Variants in CFH observed in about 807,000 individuals in gnomAD.
CFH encodes complement factor H, also known as H factor 1 (complement).
A neutral mutation model predicts 147.3 loss-of-function variants in CFH; 53 were observed. That is an observed-to-expected ratio of 0.36 (90% CI 0.29 to 0.45). The LOEUF is 0.45. Ranked by LOEUF, CFH falls within the 20% of genes least tolerant of loss-of-function variation. The probability of loss-of-function intolerance (pLI) is 1.00; values close to 1 mark genes in which losing one functional copy is unlikely to be tolerated. For missense variants in CFH, 1,380 were observed against 1,498.0 expected (o/e 0.92, Z 1.30); for synonymous variants, 536 against 489.4 (o/e 1.10, Z -1.26).
intron 1 of CFH, 86 bp downstream of exon 1, chr1:196,652,261 T>A: frequency 1.8e-6 from 2 of 1,087,838 alleles, no homozygotes; most frequent in Non-Finnish European, 2.8e-6. Context: ...AAAAATTTGA[T>A]TTAGAAAATG....
rs34028773 is a variant in CFH at position 196,680,311 on chromosome 1, CA to C, written c.790+535del. Among the ~76,000 whole-genome samples, 828 of 93,632 alleles carry C rather than the reference CA, an allele frequency of 8.8e-3. 2 individuals are homozygous for C. Among genetic ancestry groups the C allele is most frequent in the East Asian group, 0.035 (100 of 2,898 alleles). 61.4% of individuals were successfully genotyped at this position (93,632 alleles called of 152,430 possible). On this transcript the variant is annotated intron_variant, in intron 6 of 21. Coordinates refer to ENST00000367429, the MANE Select transcript of CFH (RefSeq NM_000186.4). ...GGTGATGATGGTCCTGGAAAATTAC[CA>C]AAAAAAAAAAAAAAAACCTCTCAAC...
Position 196,726,915 on chromosome 1 carries a change from A to G in CFH, c.2211A>G (p.Val737=), listed in dbSNP as rs765774. The G allele has an allele frequency of 1.2e-6, 2 of 1,613,682 alleles. No individual in the cohort carries two copies. Among genetic ancestry groups the G allele is most frequent in the African/African-American group, 2.7e-5 (2 of 75,018 alleles). The part of the protein sequence containing the change: ...GHRSITCIHG[V]WTQLPQCVAI... The stretch of plus-strand genomic sequence containing the variant: ...GATCAATTACGTGTATTCATGGAGT[A>G]TGGACCCAACTTCCCCAGTGTGTGG... Residue 737 remains valine, a synonymous_variant, in exon 14 of 22, where the codon GTA becomes GTG. Coordinates refer to ENST00000367429, the MANE Select transcript of CFH (RefSeq NM_000186.4).
At chr1:196,702,896 G>A (rs562979117) in intron 9 of CFH, among the ~76,000 whole-genome samples, 2 of 152,094 alleles carry the variant, frequency 1.3e-5, no homozygotes, top group Non-Finnish European at 2.9e-5. Flanking sequence ...AATGAGGGTT[G>A]CTTTGGAATT....
intron 19 of CFH, among the ~76,000 whole-genome samples, chr1:196,742,951 A>G (rs1422295351): frequency 6.6e-6 from 1 of 152,018 alleles, no homozygotes; most frequent in African/African-American, 2.4e-5. Context: ...AACTTGGGTA[A>G]TTTTCAAAAT....
chr1:196,656,685 C>CTTTT (rs1666701910), intron 1 of CFH, among the ~76,000 whole-genome samples: 1 of 114,546 alleles, frequency 8.7e-6, no homozygotes, highest in African/African-American at 4.8e-5. Context: ...ATGTGTGTTG[C>CTTTT]GTTTTTTTTT....
intron 1 of CFH, among the ~76,000 whole-genome samples, chr1:196,666,669 G>A (rs554213629): frequency 2.6e-5 from 4 of 151,508 alleles, no homozygotes; most frequent in Non-Finnish European, 4.4e-5. Flanking sequence ...AAAAATAGCC[G>A]GGCATGGTGG....
chr1:196,707,810 C>T (rs1331418275), intron 9 of CFH, among the ~76,000 whole-genome samples: 1 of 152,100 alleles, frequency 6.6e-6, no homozygotes, highest in East Asian at 1.9e-4. Context: ...TTGACAACTA[C>T]AATAGTTACT....
At chr1:196,699,354 A>G (rs1330223571) in intron 9 of CFH, among the ~76,000 whole-genome samples, 2 of 152,124 alleles carry the variant, frequency 1.3e-5, no homozygotes, top group African/African-American at 2.4e-5. Context: ...TTTGGTGAAC[A>G]CTGTCTAAAT....
At chr1:196,691,123 G>A (rs932947059) in intron 9 of CFH, among the ~76,000 whole-genome samples, 6 of 151,812 alleles carry the variant, frequency 4.0e-5, no homozygotes, top group Admixed American at 6.6e-5. Flanking sequence ...CTCATTATCT[G>A]CCTAAACAAT....
At position 196,652,105 on chromosome 1, in the gene CFH, A is replaced by G. The variant is rs764140312; in HGVS notation, c.-13A>G. ...GAGTTAGCTGGTAAATGTCCTCTTAAAAGATCCAAAAAATGAGACTTCTAG... is the reference window on the plus strand; with the variant it reads ...GAGTTAGCTGGTAAATGTCCTCTTAGAAGATCCAAAAAATGAGACTTCTAG... On this transcript the variant is annotated 5_prime_UTR_variant, in exon 1 of 22. It removes the in-frame stop codon of an upstream open reading frame in the 5' UTR. Coordinates refer to ENST00000367429, the MANE Select transcript of CFH (RefSeq NM_000186.4). 1.3e-6 allele frequency: 2 copies of G among 1,598,806 alleles called. No homozygotes were observed. Among genetic ancestry groups the G allele is most frequent in the South Asian group, 2.2e-5 (2 of 90,758 alleles).
At chr1:196,666,060 A>T (rs1217295756) in intron 1 of CFH, among the ~76,000 whole-genome samples, 1 of 152,250 alleles carries the variant, frequency 6.6e-6, no homozygotes, top group Non-Finnish European at 1.5e-5. Context: ...GAACAGCTTG[A>T]TGGAGATTTC....
At chr1:196,664,490 G>A (rs1425518479) in intron 1 of CFH, among the ~76,000 whole-genome samples, 2 of 152,114 alleles carry the variant, frequency 1.3e-5, no homozygotes, top group Admixed American at 6.5e-5. Flanking sequence ...ATAATGTCTC[G>A]CTACTCAGCT....
chr1:196,655,667 T>TC (rs1323834499), intron 1 of CFH, among the ~76,000 whole-genome samples: 1 of 152,090 alleles, frequency 6.6e-6, no homozygotes, highest in Admixed American at 6.6e-5. Flanking sequence ...CTTCTCCTCC[T>TC]CCCCACACAC....
chr1:196,670,687 A>G (rs2149075976), intron 1 of CFH, among the ~76,000 whole-genome samples: 1 of 152,216 alleles, frequency 6.6e-6, no homozygotes, highest in East Asian at 1.9e-4. Context: ...AGTCTTGAGT[A>G]TTTCTTCATA....
intron 1 of CFH, among the ~76,000 whole-genome samples, chr1:196,665,315 A>T (rs1218285297): frequency 6.6e-6 from 1 of 150,930 alleles, no homozygotes; most frequent in East Asian, 1.9e-4. Context: ...TGCTTTATGC[A>T]TTAAGCCTTC....
At chr1:196,680,651 G>C (rs1432408335) in intron 6 of CFH, among the ~76,000 whole-genome samples, 4 of 151,824 alleles carry the variant, frequency 2.6e-5, no homozygotes, top group Non-Finnish European at 5.9e-5. Flanking sequence ...ACAAGGAACA[G>C]TGTTACCACA....
chr1:196,726,386 A>G, intron 12 of CFH, 84 bp from the exon 13 acceptor site: 3 of 1,071,794 alleles, frequency 2.8e-6, no homozygotes, highest in East Asian at 2.6e-5. Context: ...CATGAATAAA[A>G]GAAGAAAATC....
chr1:196,717,784 C>A (rs773287466), intron 11 of CFH, among the ~76,000 whole-genome samples: 1 of 151,990 alleles, frequency 6.6e-6, no homozygotes. Flanking sequence ...TGAGAAAATG[C>A]GAGGGGAAAG....
chr1:196,744,730 T>G (rs1387688422), intron 20 of CFH, among the ~76,000 whole-genome samples: 2 of 152,198 alleles, frequency 1.3e-5, no homozygotes, highest in Non-Finnish European at 2.9e-5. Context: ...AAAAAACTTA[T>G]GAGGAAAAAG....
Sources: gnomAD v4.1 joint callset for allele counts (sites outside exome capture counted in the v4.1 genomes callset) on GRCh38, gnomAD v4.1.1 for gene constraint, MANE v1.5 for transcripts, NCBI Gene and HGNC (gene_info 2026-07-23, HGNC 2026-07-21) for gene names.